ZFHX3: variants seen among roughly 807,000 people sequenced by gnomAD.
ZFHX3 encodes zinc finger homeobox protein 3.
A neutral mutation model predicts 279.1 loss-of-function variants in ZFHX3; 42 were observed. The observed-to-expected ratio is 0.15, with a 90% CI of 0.12 to 0.19. The LOEUF is 0.19. ZFHX3 is among the 10% of genes least tolerant of loss of function. ZFHX3 has a pLI of 1.00. For missense variants in ZFHX3, 4,981 were observed against 4,754.0 expected (o/e 1.05, Z -1.40); for synonymous variants, 2,293 against 1,957.8 (o/e 1.17, Z -4.52).
At position 73,884,924 on chromosome 16, in the gene ZFHX3, C is replaced by T. The variant is rs376564676; in HGVS notation, c.-1608+6727G>A. Among the ~76,000 whole-genome samples the T allele has an allele frequency of 1.3e-3, 193 of 152,274 alleles. 3 individuals carry two copies. The highest frequency in any genetic ancestry group is 4.5e-3 in the African/African-American group (185 of 41,558). On this transcript the variant is annotated intron_variant, in intron 1 of 17. Coordinates refer to the ZFHX3 transcript ENST00000641206. ...ATCTTTTCCAAATCAGCATAATACA[C>T]ATTACCTAAATGTTGCCTCCTGTTG...
intron 5 of ZFHX3, among the ~76,000 whole-genome samples, chr16:73,193,959 G>A (rs1165093767): frequency 6.6e-6 from 1 of 152,198 alleles, no homozygotes; most frequent in Non-Finnish European, 1.5e-5. Context: ...TCCATGCAGT[G>A]ATGAAGCCTG....
chr16:73,147,782 A>T (rs1276094377), intron 5 of ZFHX3, among the ~76,000 whole-genome samples: 1 of 151,376 alleles, frequency 6.6e-6, no homozygotes, highest in Non-Finnish European at 1.5e-5. Flanking sequence ...AGGTGGGCAA[A>T]CCACTTAAGC....
At chr16:73,486,385 T>C (rs1427069565) in intron 2 of ZFHX3, among the ~76,000 whole-genome samples, 1 of 152,218 alleles carries the variant, frequency 6.6e-6, no homozygotes, top group African/African-American at 2.4e-5. Flanking sequence ...CTGTGGAGTG[T>C]ACTTTCCTTT....
At chr16:72,869,124 A>G (rs1001784827) in intron 4 of ZFHX3, among the ~76,000 whole-genome samples, 1 of 152,230 alleles carries the variant, frequency 6.6e-6, no homozygotes, top group African/African-American at 2.4e-5. Context: ...GGCAGGAAGG[A>G]CTTCAAATTT....
intron 1 of ZFHX3, among the ~76,000 whole-genome samples, chr16:73,730,352 C>CAAAAAAAAA (rs66477968): frequency 1.7e-4 from 14 of 81,158 alleles, no homozygotes; most frequent in African/African-American, 4.6e-4. Flanking sequence ...CCTCCCCTCG[C>CAAAAAAAAA]AAAAAAAAAA....
In ZFHX3 at chr16:72,796,546, G is replaced by T; in HGVS notation, c.6136C>A (p.Pro2046Thr). 6.2e-7 allele frequency: 1 copy of T among 1,606,618 alleles called. No individual in the cohort carries two copies. The highest frequency in any genetic ancestry group is 8.5e-7 in the Non-Finnish European group (1 of 1,178,366). The change falls in exon 9 of 10, where the codon CCC (proline) becomes ACC (threonine). Residue 2046 changes from proline to threonine, a missense_variant. By Grantham distance (38) the Pro-to-Thr change is conservative (BLOSUM62 -1). This residue lies in a region of ZFHX3 where 1,751 missense variants were observed against 1,770.0 expected (regional missense o/e 0.99). Coordinates refer to ENST00000268489, the MANE Select transcript of ZFHX3 (RefSeq NM_006885.4). ...GCTGCCGGAAGTGGGGGTGGAGGGG[G>T]TGGAGGGGGAGGTGGTGGTGGCTCT... Reference protein sequence around the residue: ...TPEPPPPPPPPPPPPLPAAPP... With the variant: ...TPEPPPPPPPTPPPPLPAAPP...
chr16:72,956,594 A>C (rs1296531125), intron 2 of ZFHX3, among the ~76,000 whole-genome samples: 1 of 152,202 alleles, frequency 6.6e-6, no homozygotes, highest in Non-Finnish European at 1.5e-5. Flanking sequence ...AATTGGTAAG[A>C]CTGGGAGCCT....
chr16:73,450,376 T>A (rs932637553), intron 3 of ZFHX3, among the ~76,000 whole-genome samples: 2 of 152,218 alleles, frequency 1.3e-5, no homozygotes, highest in Non-Finnish European at 2.9e-5. Context: ...CTTTTTTAGG[T>A]GGTAGAAGTT....
intron 1 of ZFHX3, among the ~76,000 whole-genome samples, chr16:72,974,482 C>T (rs1004639907): frequency 3.9e-5 from 6 of 152,082 alleles, no homozygotes; most frequent in African/African-American, 1.2e-4. Flanking sequence ...GGCTCACCAT[C>T]GGCAGCTTGC....
Position 73,483,453 on chromosome 16 carries a change from A to G in ZFHX3, c.-1546-27195T>C, listed in dbSNP as rs1011165594. The G allele has an allele frequency of 6.6e-6, 3 of 452,260 alleles. No homozygotes were observed. In the Admixed American group the frequency reaches 7.2e-5, roughly 11 times the overall value. 28.0% of individuals were successfully genotyped at this position (452,260 alleles called of 1,614,324 possible). On this transcript the variant is annotated intron_variant, in intron 2 of 17. Transcript: ENST00000641206. The stretch of plus-strand genomic sequence containing the variant: ...AAGGAGGTAATCAAGAAATAAAAGC[A>G]TGGGGGCTGTGCTCTGCCAATTCAA...
chr16:73,325,803 A>C (rs2015669164), intron 3 of ZFHX3, among the ~76,000 whole-genome samples: 1 of 152,102 alleles, frequency 6.6e-6, no homozygotes, highest in Non-Finnish European at 1.5e-5. Context: ...TTTTCCTAGA[A>C]GGGAAAGGCA....
At chr16:72,886,078 T>G (rs988801921) in intron 4 of ZFHX3, among the ~76,000 whole-genome samples, 2 of 152,222 alleles carry the variant, frequency 1.3e-5, no homozygotes, top group East Asian at 3.8e-4. Flanking sequence ...AGATATCCTT[T>G]CAAGTTTTGA....
intron 4 of ZFHX3, among the ~76,000 whole-genome samples, chr16:72,871,054 G>C (rs2038149143): frequency 6.6e-6 from 1 of 152,208 alleles, no homozygotes; most frequent in Non-Finnish European, 1.5e-5. Flanking sequence ...ATGAATGCGA[G>C]AGAGAAGTCA....
At chr16:73,034,678 C>T (rs1964836213) in intron 1 of ZFHX3, among the ~76,000 whole-genome samples, 2 of 152,200 alleles carry the variant, frequency 1.3e-5, no homozygotes, top group Non-Finnish European at 2.9e-5. Flanking sequence ...AACAAACACA[C>T]TAGCACTCAC....
chr16:73,439,238 G>A (rs980357007), intron 3 of ZFHX3, among the ~76,000 whole-genome samples: 2 of 152,116 alleles, frequency 1.3e-5, no homozygotes, highest in African/African-American at 2.4e-5. Context: ...GATGCTGACC[G>A]GGCTTCTTAG....
chr16:73,036,665 G>A (rs768092330), intron 1 of ZFHX3, among the ~76,000 whole-genome samples: 1 of 152,044 alleles, frequency 6.6e-6, no homozygotes, highest in African/African-American at 2.4e-5. Flanking sequence ...GGGACTGGGT[G>A]TATCAGGGGA....
chr16:72,872,852 C>T (rs1032336266), intron 4 of ZFHX3, among the ~76,000 whole-genome samples: 1 of 152,152 alleles, frequency 6.6e-6, no homozygotes, highest in Non-Finnish European at 1.5e-5. Context: ...ACTAGACTTC[C>T]GAAAGATGGA....
At chr16:73,426,189 G>A (rs975105936) in intron 3 of ZFHX3, among the ~76,000 whole-genome samples, 8 of 152,166 alleles carry the variant, frequency 5.3e-5, no homozygotes, top group Non-Finnish European at 1.5e-5. Flanking sequence ...CTCTGTGCCT[G>A]TGACCTGGTG....
intron 4 of ZFHX3, among the ~76,000 whole-genome samples, chr16:73,318,081 T>C (rs942970946): frequency 3.9e-5 from 6 of 152,234 alleles, no homozygotes; most frequent in Non-Finnish European, 2.9e-5. Context: ...TCCTGGTCCT[T>C]GCCAGGTAGA....
Sources: allele counts gnomAD v4.1 joint callset (sites outside exome capture counted in the v4.1 genomes callset), GRCh38; gene constraint gnomAD v4.1.1; regional missense constraint gnomAD v4.1.1; transcripts MANE v1.5; gene names NCBI Gene and HGNC (gene_info 2026-07-23, HGNC 2026-07-21).